NR3C2: variants seen among roughly 807,000 people sequenced by gnomAD.
NR3C2 encodes the protein mineralocorticoid receptor.
A neutral mutation model predicts 86.4 loss-of-function variants in NR3C2; 15 were observed. The observed-to-expected ratio is 0.17, with a 90% CI of 0.12 to 0.27. The LOEUF (loss-of-function observed/expected upper bound fraction) is 0.27. Among genes scored for constraint, NR3C2 ranks in the 10% least tolerant of loss-of-function variants. The pLI, the probability that NR3C2 is intolerant of heterozygous loss-of-function variation, is 1.00. For missense variants in NR3C2, 960 were observed against 1,195.6 expected (o/e 0.80, Z 2.91); for synonymous variants, 458 against 450.5 (o/e 1.02, Z -0.21).
At chr4:148,238,144 TAA>T (rs1319684068) in intron 3 of NR3C2, among the ~76,000 whole-genome samples, 8 of 152,200 alleles carry the variant, frequency 5.3e-5, no homozygotes, top group Non-Finnish European at 1.0e-4. Flanking sequence ...CATCCTCGCT[TAA>T]GAAGCCCTCA....
intron 4 of NR3C2, among the ~76,000 whole-genome samples, chr4:148,162,245 T>C (rs185700298): frequency 8.5e-5 from 13 of 152,264 alleles, no homozygotes; most frequent in Admixed American, 8.5e-4. Context: ...AATATACCAC[T>C]GGAGACAGAC....
At chr4:148,323,437 C>T (rs964352468) in intron 2 of NR3C2, among the ~76,000 whole-genome samples, 1 of 143,478 alleles carries the variant, frequency 7.0e-6, no homozygotes, top group South Asian at 2.4e-4. Flanking sequence ...GCTTTGTTTA[C>T]CTAATCAAGC....
chr4:148,112,969 A>G (rs1357066989), intron 8 of NR3C2, among the ~76,000 whole-genome samples: 1 of 152,238 alleles, frequency 6.6e-6, no homozygotes, highest in Non-Finnish European at 1.5e-5. Flanking sequence ...AAATTCTCCA[A>G]AAGAAAGTAT....
intron 2 of NR3C2, among the ~76,000 whole-genome samples, chr4:148,428,942 T>C (rs1039323448): frequency 6.6e-5 from 10 of 152,174 alleles, no homozygotes; most frequent in Admixed American, 1.3e-4. Flanking sequence ...TTAGTGTAAA[T>C]TTCAAATTCA....
chr4:148,319,835 T>G (rs1743457594), intron 2 of NR3C2, among the ~76,000 whole-genome samples: 2 of 147,390 alleles, frequency 1.4e-5, no homozygotes. Context: ...AGGGACAATT[T>G]GACTTCCTCT....
intron 4 of NR3C2, among the ~76,000 whole-genome samples, chr4:148,189,570 T>C (rs1169776849): frequency 2.0e-5 from 3 of 152,198 alleles, no homozygotes; most frequent in Non-Finnish European, 4.4e-5. Context: ...CTTCTTTCTC[T>C]GTCTTGTGGA....
chr4:148,206,321 C>T (rs1737005989), intron 3 of NR3C2, among the ~76,000 whole-genome samples: 1 of 152,154 alleles, frequency 6.6e-6, no homozygotes, highest in South Asian at 2.1e-4. Context: ...CTTTGTGGCC[C>T]TCTATGCAAA....
At chr4:148,427,484 G>T (rs1431795044) in intron 2 of NR3C2, among the ~76,000 whole-genome samples, 1 of 151,838 alleles carries the variant, frequency 6.6e-6, no homozygotes, top group Admixed American at 6.6e-5. Context: ...CCCAAGGGTG[G>T]CTCAGAAACC....
In NR3C2 at chr4:148,160,533, C is replaced by T. The variant is rs1312896149; in HGVS notation, c.2015-5632G>A. Among the ~76,000 whole-genome samples, 3 of 151,984 alleles carry T rather than the reference C, an allele frequency of 2.0e-5. No individual in the cohort carries two copies. In the East Asian group the frequency reaches 5.8e-4, roughly 29 times the overall value. On this transcript the variant is annotated intron_variant, in intron 4 of 8. Transcript: ENST00000358102. Reference sequence around the variant, plus strand: ...AAATGGTAATCAGGACAACTTTCCCCCTCTGGAGTATAGTAAAAGAGTGAT... The same window carrying T: ...AAATGGTAATCAGGACAACTTTCCCTCTCTGGAGTATAGTAAAAGAGTGAT...
At chr4:148,412,237 TG>T (rs1352185217) in intron 2 of NR3C2, among the ~76,000 whole-genome samples, 1 of 152,088 alleles carries the variant, frequency 6.6e-6, no homozygotes, top group East Asian at 1.9e-4. Context: ...CAGACATCAG[TG>T]GGTGGCTTTC....
chr4:148,349,622 C>T (rs72656838), intron 2 of NR3C2, among the ~76,000 whole-genome samples: 29 of 129,922 alleles, frequency 2.2e-4, no homozygotes, highest in African/African-American at 6.7e-4. Context: ...CTCCTTTCTG[C>T]AAAGGTTCTG....
intron 2 of NR3C2, among the ~76,000 whole-genome samples, chr4:148,378,708 G>A (rs1187658139): frequency 1.3e-5 from 2 of 152,152 alleles, no homozygotes; most frequent in East Asian, 3.9e-4. Flanking sequence ...CCCAGAAGCT[G>A]GGCAAATGCT....
chr4:148,291,106 C>T (rs1741777550), intron 2 of NR3C2, among the ~76,000 whole-genome samples: 1 of 152,034 alleles, frequency 6.6e-6, no homozygotes, highest in Non-Finnish European at 1.5e-5. Flanking sequence ...AGACTGACAT[C>T]TATTCTTTAT....
At chr4:148,121,755 T>A (rs1050238241) in intron 6 of NR3C2, among the ~76,000 whole-genome samples, 2 of 152,216 alleles carry the variant, frequency 1.3e-5, no homozygotes, top group African/African-American at 4.8e-5. Flanking sequence ...TGCAACTTAT[T>A]TTTATTGAAC....
At chr4:148,440,631 C>CA (rs1034577897) in intron 1 of NR3C2, among the ~76,000 whole-genome samples, 26 of 151,508 alleles carry the variant, frequency 1.7e-4, no homozygotes, top group Admixed American at 5.9e-4. Context: ...CCCCAAAACA[C>CA]AAAAAAAAAT....
chr4:148,084,611 A>G (rs6841588), intron 8 of NR3C2, among the ~76,000 whole-genome samples: 9,767 of 152,254 alleles, frequency 0.064, 1,055 homozygotes, highest in African/African-American at 0.22. Context: ...GCATCAACTA[A>G]TGGGCAAAAC....
chr4:148,165,676 T>C (rs892473283), intron 4 of NR3C2, among the ~76,000 whole-genome samples: 3 of 152,120 alleles, frequency 2.0e-5, no homozygotes, highest in Non-Finnish European at 4.4e-5. Context: ...AACTGAACCA[T>C]TAAAAACTAT....
At chr4:148,232,990 T>C (rs1738542370) in intron 3 of NR3C2, among the ~76,000 whole-genome samples, 1 of 152,370 alleles carries the variant, frequency 6.6e-6, no homozygotes, top group African/African-American at 2.4e-5. Context: ...GGATTAGCTT[T>C]GGCTTAAGAG....
At chr4:148,371,239 A>G (rs73855952) in intron 2 of NR3C2, among the ~76,000 whole-genome samples, 37,776 of 151,940 alleles carry the variant, frequency 0.25, 4,903 homozygotes, top group African/African-American at 0.32. Context: ...ATATTTTACT[A>G]TAGTCACCCC....
Sources: allele counts gnomAD v4.1 joint callset (sites outside exome capture counted in the v4.1 genomes callset), GRCh38; gene constraint gnomAD v4.1.1; transcripts MANE v1.5; gene names NCBI Gene and HGNC (gene_info 2026-07-23, HGNC 2026-07-21).